The following PMPCB variants were observed in gnomAD, a reference collection of about 807,000 sequenced individuals.
PMPCB encodes the protein peptidase, mitochondrial processing subunit beta, also known as mitochondrial-processing peptidase subunit beta.
Under a neutral mutation model 61.5 loss-of-function variants are expected in PMPCB, and 46 were observed. That is an observed-to-expected ratio of 0.75 (90% CI 0.59 to 0.96). The LOEUF (loss-of-function observed/expected upper bound fraction) is 0.96, where lower values mean the gene tolerates loss of function less well. PMPCB is among the 40% of genes least tolerant of loss of function. The pLI is 0.00. For synonymous variants in PMPCB, 191 were observed against 201.6 expected (o/e 0.95, Z 0.44); for missense variants, 590 against 602.4 (o/e 0.98, Z 0.22).
rs1166631605 is a variant in PMPCB, at chr7:103,314,216, G to C, written c.*1945G>C. The C allele has an allele frequency of 1.0e-6, 1 of 985,170 alleles. No homozygotes were observed. The highest frequency in any genetic ancestry group is 1.2e-6 in the Non-Finnish European group (1 of 829,876). The allele number at this position is 985,170 out of a possible 1,614,324, so 61.0% of individuals were successfully genotyped here. ...ACCATAGATTTTATTTCCTCTCTTG[G>C]AAAAAAGATGGAAGTGACATGGCAG... On this transcript the variant is annotated 3_prime_UTR_variant, in exon 13 of 13. Transcript: ENST00000249269.
At chr7:103,309,430 AT>A (rs1430534171) in intron 8 of PMPCB, among the ~76,000 whole-genome samples, 1 of 152,190 alleles carries the variant, frequency 6.6e-6, no homozygotes, top group Non-Finnish European at 1.5e-5. Flanking sequence ...TAGGTGGAAA[AT>A]TTTGGGGAAC....
At chr7:103,300,134 A>G in intron 3 of PMPCB, 44 bp from the exon 4 acceptor site, 2 of 1,567,002 alleles carry the variant, frequency 1.3e-6, no homozygotes, top group South Asian at 1.1e-5. Flanking sequence ...TAGATGAAGT[A>G]TAAAGGGAGT....
the PMPCB span, among the ~76,000 whole-genome samples, chr7:103,342,769 C>T: frequency 6.6e-5 from 10 of 151,682 alleles, no homozygotes; most frequent in Non-Finnish European, 1.3e-4. Flanking sequence ...CCACCACCCC[C>T]GGCTAATTTT....
the PMPCB span, among the ~76,000 whole-genome samples, chr7:103,338,265 GTCTT>G: frequency 7.7e-6 from 1 of 130,334 alleles, no homozygotes; most frequent in Non-Finnish European, 1.6e-5. Flanking sequence ...GCAAGACCCT[GTCTT>G]TTTTTTTTTT....
downstream of PMPCB, among the ~76,000 whole-genome samples, chr7:103,332,467 T>C (rs1170202404): frequency 6.6e-6 from 1 of 152,216 alleles, no homozygotes; most frequent in South Asian, 2.1e-4. Context: ...CAGTTTATGA[T>C]TAACCGATTC....
downstream of PMPCB, among the ~76,000 whole-genome samples, chr7:103,331,987 T>C (rs968640266): frequency 1.4e-5 from 2 of 147,408 alleles, no homozygotes; most frequent in Admixed American, 1.4e-4. Context: ...GTATAAAAAT[T>C]CCCTTTTCTT....
chr7:103,324,164 TAC>T (rs772373199), intron 12 of PMPCB, among the ~76,000 whole-genome samples: 4 of 152,222 alleles, frequency 2.6e-5, no homozygotes, highest in Non-Finnish European at 5.9e-5. Flanking sequence ...GTGAATTAGT[TAC>T]AGAGACAAAT....
the PMPCB span, among the ~76,000 whole-genome samples, chr7:103,343,133 G>C: frequency 6.6e-6 from 1 of 152,020 alleles, no homozygotes. Flanking sequence ...CCAAGTTGCT[G>C]GGATTATAGG....
At chr7:103,316,119 T>C, downstream of PMPCB, 5 of 1,381,672 alleles carry the variant, frequency 3.6e-6, no homozygotes, top group Non-Finnish European at 5.0e-6. Context: ...ATAATATGAA[T>C]AGTAGTAAGG....
chr7:103,313,242 C>A lies in PMPCB; in HGVS notation c.*971C>A. 1 of 1,411,808 alleles carries A rather than the reference C, an allele frequency of 7.1e-7. No individual in the cohort carries two copies. Among genetic ancestry groups the A allele is most frequent in the East Asian group, 2.5e-5 (1 of 39,586 alleles). The allele number at this position is 1,411,808 out of a possible 1,614,324, so 87.5% of individuals were successfully genotyped here. ...AATAAACTTGTAGAGATGAGAGATA[C>A]ATATAGCCCTCTGAGTGTTAATAAG... On this transcript the variant is annotated 3_prime_UTR_variant, in exon 13 of 13. Transcript: ENST00000249269.
In PMPCB at chr7:103,308,973, A is replaced by G. The variant is rs760772242; in HGVS notation, c.871A>G (p.Met291Val). The change falls in exon 8 of 13, where the codon ATG becomes GTG. Residue 291 changes from methionine (M) to valine (V), a missense_variant. Coordinates refer to ENST00000249269, the MANE Select transcript of PMPCB (RefSeq NM_004279.3). ...GSEIRVRDDK[M>V]PLAHLAIAVE... ...CTAGATTCGTGTGAGGGATGACAAG[A>G]TGCCTTTGGCGCACCTTGCAATAGC... 5.0e-6 allele frequency: 8 copies of G among 1,595,908 alleles called. No individual in the cohort carries two copies. In the African/African-American group the frequency reaches 1.1e-4, roughly 22 times the overall value.
At chr7:103,344,068 C>T in the PMPCB span, among the ~76,000 whole-genome samples, 1 of 152,198 alleles carries the variant, frequency 6.6e-6, no homozygotes, top group South Asian at 2.1e-4. Flanking sequence ...TTTTCAGCAG[C>T]ACAGTCTTTG....
At chr7:103,344,917 T>G in the PMPCB span, 1 of 555,886 alleles carries the variant, frequency 1.8e-6, no homozygotes, top group Non-Finnish European at 3.2e-6. Flanking sequence ...GCGCATCAGT[T>G]TTCCTGTAAA....
At chr7:103,334,617 TAA>T in the PMPCB span, among the ~76,000 whole-genome samples, 4 of 142,184 alleles carry the variant, frequency 2.8e-5, no homozygotes, top group African/African-American at 7.7e-5. Flanking sequence ...TTTTTTTAAT[TAA>T]AAAAAAAAAA....
At chr7:103,315,752 A>G (rs1187782430), downstream of PMPCB, 5 of 1,606,268 alleles carry the variant, frequency 3.1e-6, no homozygotes, top group Non-Finnish European at 4.3e-6. Flanking sequence ...CGTTTAGAAA[A>G]GCAAAATTTA....
At chr7:103,346,161 C>T in the PMPCB span, among the ~76,000 whole-genome samples, 1 of 152,096 alleles carries the variant, frequency 6.6e-6, no homozygotes. Context: ...GAGACAGAGG[C>T]TTGCTCTGTC....
At position 103,329,051 on chromosome 7, in the gene PMPCB, A is replaced by G. The variant is rs138274059; in HGVS notation, c.*1552A>G. ...CCACAGCCTCAGCCACAGTACGTCTAATTATTTAAAATTTGTGATTATCGC... is the reference window on the plus strand; with the variant it reads ...CCACAGCCTCAGCCACAGTACGTCTGATTATTTAAAATTTGTGATTATCGC... On this transcript the variant is annotated 3_prime_UTR_variant and NMD_transcript_variant, in exon 13 of 13. Coordinates refer to the PMPCB transcript ENST00000444457. The G allele has an allele frequency of 1.3e-5, 15 of 1,177,380 alleles. No individual in the cohort carries two copies. The African/African-American group carries it at 2.1e-4, about 17-fold the overall frequency. 72.9% of individuals were successfully genotyped at this position (1,177,380 alleles called of 1,614,324 possible). A position where few individuals can be genotyped will look rare whatever the true frequency, so the allele number is the denominator to read the frequency against.
the PMPCB span, chr7:103,347,368 G>C: frequency 5.4e-6 from 1 of 183,778 alleles, no homozygotes; most frequent in Admixed American, 5.5e-5. Context: ...AAAAAATCAG[G>C]TTGTTTTCTT....
rs1465034299 is a variant in PMPCB at position 103,300,048 on chromosome 7, T to C, written c.328-130T>C. On this transcript the variant is annotated intron_variant, in intron 3 of 12. Transcript: ENST00000249269. The stretch of plus-strand genomic sequence containing the variant: ...CAGGTGTGAGCCATCGTACCATACC[T>C]GATGTACTTTAGAAACCAAATTTGA... 5.2e-6 allele frequency: 4 copies of C among 774,446 alleles called. No homozygotes were observed. In the Admixed American group the frequency reaches 6.9e-5, roughly 13 times the overall value. The allele number at this position is 774,446 out of a possible 1,614,324, so 48.0% of individuals were successfully genotyped here. A position where few individuals can be genotyped will look rare whatever the true frequency, so the allele number is the denominator to read the frequency against.
Sources: gnomAD v4.1 joint callset for allele counts (sites outside exome capture counted in the v4.1 genomes callset) on GRCh38, gnomAD v4.1.1 for gene constraint, MANE v1.5 for transcripts, NCBI Gene and HGNC (gene_info 2026-07-23, HGNC 2026-07-21) for gene names.